The following MOB4 variants were observed in gnomAD, a reference collection of about 807,000 sequenced individuals.
MOB4 encodes the protein MOB family member 4, phocein, also known as MOB-like protein phocein.
A neutral mutation model predicts 32.2 loss-of-function variants in MOB4; 4 were observed. The ratio of observed to expected loss-of-function variants is 0.12; its 90% CI spans 0.06 to 0.28. The LOEUF (loss-of-function observed/expected upper bound fraction) is 0.28. Among genes scored for constraint, MOB4 ranks in the 10% least tolerant of loss-of-function variants. The pLI, the probability that MOB4 is intolerant of heterozygous loss-of-function variation, is 1.00. For missense variants in MOB4, 158 were observed against 271.2 expected, an observed-to-expected ratio of 0.58 and a Z score of 2.93; for synonymous variants, 88 against 88.1, an observed-to-expected ratio of 1.00 and a Z score of 0.01.
intron 1 of MOB4, among the ~76,000 whole-genome samples, chr2:197,517,660 A>G (rs1370971697): frequency 1.3e-5 from 2 of 152,032 alleles, no homozygotes; most frequent in African/African-American, 4.8e-5. Flanking sequence ...TCACATTGTC[A>G]TGGATCAAGG....
chr2:197,542,934 G>A (rs1006971559), intron 5 of MOB4, among the ~76,000 whole-genome samples: 13 of 152,152 alleles, frequency 8.5e-5, no homozygotes, highest in African/African-American at 2.9e-4. Flanking sequence ...GGTAACCCAT[G>A]AGCCCCATGT....
intron 3 of MOB4, 35 bp from the exon 4 acceptor site, chr2:197,540,076 G>T (rs1181785466): frequency 1.3e-6 from 2 of 1,580,506 alleles, no homozygotes; most frequent in African/African-American, 2.7e-5. Context: ...GTGAAGAATA[G>T]ATATGACTTT....
chr2:197,524,530 CA>C (rs58552334), intron 2 of MOB4, among the ~76,000 whole-genome samples: 66,779 of 108,708 alleles, frequency 0.61, 17,122 homozygotes, highest in Middle Eastern at 0.83. Flanking sequence ...GACTCTGTCT[CA>C]AAAAAAAAAA....
chr2:197,543,484 A>G (rs1482000664), intron 5 of MOB4, among the ~76,000 whole-genome samples: 1 of 152,118 alleles, frequency 6.6e-6, no homozygotes, highest in African/African-American at 2.4e-5. Flanking sequence ...GAGAAACAAA[A>G]TGTAGCATGG....
intron 5 of MOB4, among the ~76,000 whole-genome samples, chr2:197,546,059 T>A (rs1024744624): frequency 1.1e-4 from 17 of 152,190 alleles, no homozygotes; most frequent in African/African-American, 3.9e-4. Flanking sequence ...TTTTATTTTT[T>A]ATTTTTTAAT....
intron 1 of MOB4, among the ~76,000 whole-genome samples, chr2:197,520,213 C>A (rs886471544): frequency 6.7e-6 from 1 of 148,722 alleles, no homozygotes; most frequent in Non-Finnish European, 1.5e-5. Context: ...GACAGAATCT[C>A]GCTCTGTCTC....
At chr2:197,525,807 A>G (rs772168178) in intron 2 of MOB4, among the ~76,000 whole-genome samples, 43 of 152,152 alleles carry the variant, frequency 2.8e-4, no homozygotes, top group Non-Finnish European at 5.3e-4. Context: ...TGTGGAAGAT[A>G]AAGGAATATA....
intron 5 of MOB4, among the ~76,000 whole-genome samples, chr2:197,544,791 G>A (rs2086965387): frequency 6.6e-6 from 1 of 151,446 alleles, no homozygotes; most frequent in Admixed American, 6.6e-5. Context: ...AATTTGTGGT[G>A]TATATATTTT....
At chr2:197,525,420 T>C (rs1377807866) in intron 2 of MOB4, among the ~76,000 whole-genome samples, 1 of 151,086 alleles carries the variant, frequency 6.6e-6, no homozygotes, top group Non-Finnish European at 1.5e-5. Context: ...AAAAGAGACA[T>C]ATAGTTGAAT....
intron 2 of MOB4, chr2:197,533,722 C>CAAAAAAAAAAA (rs796816631): frequency 7.4e-6 from 1 of 134,922 alleles, no homozygotes; most frequent in Non-Finnish European, 1.4e-5. Context: ...CAAAACTCCT[C>CAAAAAAAAAAA]AAAAAAAAAA....
At chr2:197,515,772 T>G (rs2086396103), upstream of MOB4, 1 of 447,240 alleles carries the variant, frequency 2.2e-6, no homozygotes, top group East Asian at 4.8e-5. Context: ...AACGCAGCCG[T>G]GCACACTGCC....
intron 5 of MOB4, among the ~76,000 whole-genome samples, chr2:197,542,077 A>G (rs1197487548): frequency 6.6e-6 from 1 of 152,274 alleles, no homozygotes; most frequent in Admixed American, 6.5e-5. Context: ...AGGCTGAATC[A>G]AGGCTAGTTT....
At chr2:197,540,071 G>T (rs2086870960) in intron 3 of MOB4, 40 bp from the exon 4 acceptor site, 1 of 1,569,592 alleles carries the variant, frequency 6.4e-7, no homozygotes, top group African/African-American at 1.4e-5. Flanking sequence ...TTGCTGTGAA[G>T]AATAGATATG....
chr2:197,534,011 G>T, intron 2 of MOB4: 1 of 486,618 alleles, frequency 2.1e-6, no homozygotes, highest in Non-Finnish European at 4.0e-6. Flanking sequence ...ATTGCATCAA[G>T]GTCACTATCA....
In MOB4 at chr2:197,523,639, C is replaced by G; in HGVS notation, c.76C>G (p.Pro26Ala). 1 of 1,609,550 alleles carries G rather than the reference C, an allele frequency of 6.2e-7. No individual in the cohort carries two copies. Among genetic ancestry groups the G allele is most frequent in the Non-Finnish European group, 8.5e-7 (1 of 1,178,978 alleles). ...ATTTTTATAGGATTTCTATAATTGG[C>G]CTGATGAATCCTTTGATGAAATGGA... is the stretch of plus-strand genomic sequence containing the variant. Reference protein sequence around the residue: ...GTKAQDFYNWPDESFDEMDST... With the variant: ...GTKAQDFYNWADESFDEMDST... Residue 26 changes from proline to alanine, a missense_variant, in exon 2 of 8, where the codon CCT (proline) becomes GCT (alanine). Pro to Ala is a conservative substitution (Grantham distance 27, BLOSUM62 -1). This residue lies in a region of MOB4 where 25 missense variants were observed against 70.9 expected (regional missense o/e 0.35). Transcript: ENST00000323303.
At chr2:197,529,830 A>G (rs951463723) in intron 2 of MOB4, among the ~76,000 whole-genome samples, 1 of 146,904 alleles carries the variant, frequency 6.8e-6, no homozygotes, top group Admixed American at 6.8e-5. Flanking sequence ...ATTTCTGTAT[A>G]TTTAGTACAG....
intron 1 of MOB4, chr2:197,516,447 C>A: frequency 1.6e-6 from 2 of 1,229,574 alleles, no homozygotes; most frequent in Non-Finnish European, 2.1e-6. Context: ...CTTCTTCTCG[C>A]CTTGCCCCTG....
rs200842222 is a variant in MOB4, at chr2:197,516,139, A to G, written c.53A>G (p.Lys18Arg). The G allele has an allele frequency of 5.0e-6, 8 of 1,603,002 alleles. No individual in the cohort carries two copies. The African/African-American group carries it at 8.1e-5, about 16-fold the overall frequency. The change falls in exon 1 of 8, where the codon AAG becomes AGG. Residue 18 changes from lysine to arginine, a missense_variant. Coordinates refer to ENST00000323303, the MANE Select transcript of MOB4 (RefSeq NM_015387.5). ...AVLRRNRPGT[K>R]AQDFYNWPDE... ...CTGAGGCGGAACAGGCCGGGCACCA[A>G]GGCGCAGGTACCATGTCTGCACTTT...
At chr2:197,539,944 A>G in intron 3 of MOB4, among the ~76,000 whole-genome samples, 167 bp from the exon 4 acceptor site, 1 of 152,160 alleles carries the variant, frequency 6.6e-6, no homozygotes, top group East Asian at 1.9e-4. Context: ...TCTATTTTTA[A>G]TCTGTAAGCC....
Sources: allele counts gnomAD v4.1 joint callset (sites outside exome capture counted in the v4.1 genomes callset), GRCh38; gene constraint gnomAD v4.1.1; regional missense constraint gnomAD v4.1.1; transcripts MANE v1.5; gene names NCBI Gene and HGNC (gene_info 2026-07-23, HGNC 2026-07-21).